ATF6: variants seen among roughly 807,000 people sequenced by gnomAD.
ATF6 encodes cyclic AMP-dependent transcription factor ATF-6 alpha.
ATF6 carries 53 observed loss-of-function variants against 83.6 expected under a neutral mutation model. The ratio of observed to expected loss-of-function variants is 0.63; its 90% CI spans 0.51 to 0.80. The LOEUF (loss-of-function observed/expected upper bound fraction) is 0.80, where lower values mean the gene tolerates loss of function less well. Ranked by LOEUF, ATF6 falls within the 30% of genes least tolerant of loss-of-function variation. The pLI is 0.00. For synonymous variants in ATF6, 288 were observed against 285.8 expected (o/e 1.01, Z -0.08); for missense variants, 744 against 797.9 (o/e 0.93, Z 0.81).
At chr1:161,779,679 A>G (rs1239121160) in intron 2 of ATF6, among the ~76,000 whole-genome samples, 1 of 152,212 alleles carries the variant, frequency 6.6e-6, no homozygotes, top group Non-Finnish European at 1.5e-5. Context: ...GGCAAGCAAC[A>G]TTGGTAACTT....
chr1:161,935,561 C>A (rs1206824910), intron 15 of ATF6, among the ~76,000 whole-genome samples: 2 of 152,220 alleles, frequency 1.3e-5, no homozygotes, highest in Admixed American at 1.3e-4. Flanking sequence ...CAGTTTGTCA[C>A]AGCAGCCTGA....
chr1:161,813,130 A>AAAG (rs748195061), intron 7 of ATF6, among the ~76,000 whole-genome samples: 1 of 152,210 alleles, frequency 6.6e-6, no homozygotes, highest in African/African-American at 2.4e-5. Context: ...CCAAGTCTCG[A>AAAG]AACTTGCTGA....
At chr1:161,782,360 G>A (rs1334124705) in intron 3 of ATF6, among the ~76,000 whole-genome samples, 2 of 152,206 alleles carry the variant, frequency 1.3e-5, no homozygotes, top group Non-Finnish European at 2.9e-5. Context: ...TGGTGGAGGA[G>A]TCCCATGCAT....
intron 14 of ATF6, among the ~76,000 whole-genome samples, chr1:161,878,054 G>T (rs1380146356): frequency 6.6e-6 from 1 of 152,054 alleles, no homozygotes; most frequent in Admixed American, 6.6e-5. Flanking sequence ...CTGTGAATCT[G>T]GGACTCAAGA....
chr1:161,865,634 A>G (rs1454969969), intron 14 of ATF6, among the ~76,000 whole-genome samples: 2 of 152,208 alleles, frequency 1.3e-5, no homozygotes, highest in Non-Finnish European at 2.9e-5. Context: ...ATGTTCATTC[A>G]GGAAGACTGT....
At chr1:161,939,048 G>A (rs10158696) in intron 15 of ATF6, among the ~76,000 whole-genome samples, 2,861 of 152,032 alleles carry the variant, frequency 0.019, 109 homozygotes, top group African/African-American at 0.065. Flanking sequence ...CTTTCATCTC[G>A]TCGCTCCACT....
intron 14 of ATF6, among the ~76,000 whole-genome samples, chr1:161,901,003 A>G (rs1687776099): frequency 6.6e-6 from 1 of 152,182 alleles, no homozygotes; most frequent in South Asian, 2.1e-4. Flanking sequence ...ATAAAATTAT[A>G]GTAGATAGAT....
chr1:161,794,366 C>T (rs1436703464), intron 6 of ATF6, among the ~76,000 whole-genome samples: 1 of 152,098 alleles, frequency 6.6e-6, no homozygotes, highest in Admixed American at 6.5e-5. Flanking sequence ...AATATGTTAC[C>T]ATTGAAAAAG....
chr1:161,777,112 A>G (rs541976672), intron 1 of ATF6, among the ~76,000 whole-genome samples: 3 of 152,368 alleles, frequency 2.0e-5, no homozygotes, highest in South Asian at 2.1e-4. Flanking sequence ...ATTTAGCAAT[A>G]TGGAAGTCAC....
intron 14 of ATF6, among the ~76,000 whole-genome samples, chr1:161,873,082 TTTTG>T (rs1319202196): frequency 2.6e-5 from 4 of 151,700 alleles, no homozygotes; most frequent in Non-Finnish European, 5.9e-5. Flanking sequence ...GTTGAACAGT[TTTTG>T]TTTATTTGCA....
At chr1:161,782,396 G>T (rs1165961927) in intron 3 of ATF6, among the ~76,000 whole-genome samples, 2 of 152,190 alleles carry the variant, frequency 1.3e-5, no homozygotes, top group Non-Finnish European at 2.9e-5. Flanking sequence ...CTAAGAAGGG[G>T]CAGCACCTGG....
chr1:161,911,311 A>G (rs1386807723), intron 14 of ATF6, among the ~76,000 whole-genome samples: 1 of 152,190 alleles, frequency 6.6e-6, no homozygotes, highest in Non-Finnish European at 1.5e-5. Flanking sequence ...GTAACAGTTC[A>G]TATGTTTTTG....
At chr1:161,855,970 T>A (rs1686749245) in intron 12 of ATF6, among the ~76,000 whole-genome samples, 1 of 152,198 alleles carries the variant, frequency 6.6e-6, no homozygotes, top group Non-Finnish European at 1.5e-5. Context: ...GGGTGATCCC[T>A]ATACATGGGA....
chr1:161,817,961 C>G (rs550498792), intron 7 of ATF6, among the ~76,000 whole-genome samples: 1 of 151,730 alleles, frequency 6.6e-6, no homozygotes, highest in Non-Finnish European at 1.5e-5. Context: ...ATTAGCCAGG[C>G]GTGGTGGTGG....
At chr1:161,876,525 AGAG>A (rs777725696) in intron 14 of ATF6, among the ~76,000 whole-genome samples, 3 of 151,878 alleles carry the variant, frequency 2.0e-5, no homozygotes, top group Admixed American at 6.6e-5. Flanking sequence ...ATTTTTTTTT[AGAG>A]GATTCTTCAC....
chr1:161,787,254 C>A (rs1201475812), intron 4 of ATF6, among the ~76,000 whole-genome samples: 3 of 152,170 alleles, frequency 2.0e-5, no homozygotes, highest in Non-Finnish European at 4.4e-5. Context: ...GTAAAAATAT[C>A]CTGTTCATCA....
intron 9 of ATF6, among the ~76,000 whole-genome samples, chr1:161,822,019 C>T (rs1685777396): frequency 6.6e-6 from 1 of 152,078 alleles, no homozygotes; most frequent in African/African-American, 2.4e-5. Context: ...AAATTTCTAC[C>T]TTGAGGGACC....
chr1:161,900,893 A>T (rs1687773205), intron 14 of ATF6, among the ~76,000 whole-genome samples: 1 of 152,116 alleles, frequency 6.6e-6, no homozygotes, highest in Non-Finnish European at 1.5e-5. Flanking sequence ...TAAAAAAAGT[A>T]TTTTCAAATA....
In ATF6 at chr1:161,802,226, T is replaced by A. The variant is rs748438451; in HGVS notation, c.863T>A (p.Val288Glu). Reference protein sequence around the residue: ...ANSPVNGKLSVTKPVLQSTMR... With the variant: ...ANSPVNGKLSETKPVLQSTMR... Reference sequence around the variant, plus strand: ...AGCCCAGTGAATGGAAAACTTTCCGTGACTAAACCTGTCCTACAAAGTACC... The same window carrying A: ...AGCCCAGTGAATGGAAAACTTTCCGAGACTAAACCTGTCCTACAAAGTACC... The change falls in exon 7 of 16, where the codon GTG becomes GAG. Residue 288 changes from valine (V) to glutamate (E), a missense_variant. Physicochemically the swap from Val to Glu is moderately radical, Grantham distance 121 (BLOSUM62 -2). Coordinates refer to ENST00000367942, the MANE Select transcript of ATF6 (RefSeq NM_007348.4). 29 of 1,613,930 alleles carry A rather than the reference T, an allele frequency of 1.8e-5. No homozygotes were observed. The highest frequency in any genetic ancestry group is 2.4e-5 in the Non-Finnish European group (28 of 1,179,988).
Sources: gnomAD v4.1 joint callset for allele counts (sites outside exome capture counted in the v4.1 genomes callset) on GRCh38, gnomAD v4.1.1 for gene constraint, MANE v1.5 for transcripts, NCBI Gene and HGNC (gene_info 2026-07-23, HGNC 2026-07-21) for gene names.